DOCK5: variants seen among roughly 807,000 people sequenced by gnomAD.
The protein encoded by DOCK5 is dedicator of cytokinesis protein 5.
A neutral mutation model predicts 251.8 loss-of-function variants in DOCK5; 142 were observed. The observed-to-expected ratio is 0.56, with a 90% CI of 0.49 to 0.65. The LOEUF is 0.65. DOCK5 is among the 30% of genes least tolerant of loss of function. The probability of loss-of-function intolerance (pLI) is 0.00; values close to 1 mark genes in which losing one functional copy is unlikely to be tolerated. For synonymous variants in DOCK5, 842 were observed against 835.5 expected (o/e 1.01, Z -0.13); for missense variants, 2,111 against 2,312.3 (o/e 0.91, Z 1.79).
chr8:25,251,514 T>C (rs1563325033), intron 2 of DOCK5, among the ~76,000 whole-genome samples: 1 of 152,224 alleles, frequency 6.6e-6, no homozygotes, highest in Non-Finnish European at 1.5e-5. Context: ...AAAAATCTAC[T>C]TCCCTCTAAT....
chr8:25,320,290 A>T (rs972911964), intron 15 of DOCK5, among the ~76,000 whole-genome samples: 16 of 152,254 alleles, frequency 1.1e-4, no homozygotes, highest in African/African-American at 2.9e-4. Flanking sequence ...AGAAAAAAAA[A>T]TTTTTTAATT....
chr8:25,398,348 C>A (rs1801381688), intron 45 of DOCK5, among the ~76,000 whole-genome samples: 1 of 152,322 alleles, frequency 6.6e-6, no homozygotes, highest in Admixed American at 6.5e-5. Context: ...ACGATCCTGG[C>A]TAGAATGAGC....
At chr8:25,287,577 A>C (rs1427140971) in intron 5 of DOCK5, among the ~76,000 whole-genome samples, 1 of 152,226 alleles carries the variant, frequency 6.6e-6, no homozygotes, top group Non-Finnish European at 1.5e-5. Flanking sequence ...TTTTGTGGAC[A>C]CATTCTTCAT....
intron 2 of DOCK5, among the ~76,000 whole-genome samples, chr8:25,253,012 C>T (rs919191675): frequency 3.6e-4 from 54 of 152,076 alleles, no homozygotes; most frequent in African/African-American, 1.2e-3. Flanking sequence ...TTAGTAGAGA[C>T]GTGGTTTTGC....
Position 25,366,902 on chromosome 8 carries a change from A to G in DOCK5, c.3156A>G (p.Ala1052=), listed in dbSNP as rs779525715. The G allele has an allele frequency of 8.1e-6, 13 of 1,613,702 alleles. No homozygotes were observed. The African/African-American group carries it at 1.5e-4, about 18-fold the overall frequency. Residue 1052 remains alanine, a synonymous_variant, in exon 31 of 52, where the codon GCA becomes GCG. Coordinates refer to ENST00000276440, the MANE Select transcript of DOCK5 (RefSeq NM_024940.8). ...ACAATTACTTCCATTTGGCAGTTGC[A>G]TTTCTCACCCATGAGTCCCTTCAGC... is the stretch of plus-strand genomic sequence containing the variant. ...LWNNYFHLAV[A]FLTHESLQLE...
chr8:25,190,044 G>A (rs1474607828), intron 1 of DOCK5, among the ~76,000 whole-genome samples: 5 of 152,050 alleles, frequency 3.3e-5, no homozygotes, highest in Admixed American at 2.6e-4. Context: ...ACGCCACCAC[G>A]CCCGGCCAGT....
chr8:25,229,529 A>G (rs1016131829), intron 1 of DOCK5, among the ~76,000 whole-genome samples: 2 of 152,026 alleles, frequency 1.3e-5, no homozygotes, highest in Non-Finnish European at 2.9e-5. Flanking sequence ...ATTTCTTTTA[A>G]AATTAAGTCA....
chr8:25,248,324 C>T (rs1803171034), intron 2 of DOCK5, among the ~76,000 whole-genome samples: 2 of 152,150 alleles, frequency 1.3e-5, no homozygotes, highest in Non-Finnish European at 2.9e-5. Flanking sequence ...ACATGAAACG[C>T]GATGGGAATG....
chr8:25,230,587 A>G (rs779142541), intron 1 of DOCK5, among the ~76,000 whole-genome samples: 2 of 152,194 alleles, frequency 1.3e-5, no homozygotes, highest in Non-Finnish European at 2.9e-5. Flanking sequence ...ATGGTGACTC[A>G]TGCCTGTAAC....
intron 20 of DOCK5, 81 bp downstream of exon 20, chr8:25,332,773 T>TGA (rs1345431284): frequency 4.1e-5 from 42 of 1,014,004 alleles, no homozygotes; most frequent in Non-Finnish European, 6.0e-5. Context: ...AGTGATTGTG[T>TGA]GAATATCTTC....
rs924321586 is a variant in DOCK5 at position 25,235,799 on chromosome 8, CTTTTTTTTT to C, written c.44-7865_44-7857del. ...ATAGAGATTTTTTTCTTTTCTTTTC[CTTTTTTTTT>C]TTTTTTTTTGAAACGGAGTCTCACT... is the stretch of plus-strand genomic sequence containing the variant. On this transcript the variant is annotated intron_variant, in intron 1 of 51. Transcript: ENST00000276440. Among the ~76,000 whole-genome samples the C allele has an allele frequency of 3.3e-4, 43 of 128,598 alleles. 1 individual carries two copies. The South Asian group carries it at 7.9e-3, about 24-fold the overall frequency. 84.4% of individuals were successfully genotyped at this position (128,598 alleles called of 152,430 possible). A position where few individuals can be genotyped will look rare whatever the true frequency, so the allele number is the denominator to read the frequency against.
intron 2 of DOCK5, among the ~76,000 whole-genome samples, chr8:25,259,394 T>G (rs565317075): frequency 5.9e-4 from 90 of 152,212 alleles, no homozygotes; most frequent in African/African-American, 2.2e-3. Context: ...AGTAGCTGGG[T>G]GATATGGGAC....
At chr8:25,369,187 G>A (rs1271080599) in intron 33 of DOCK5, among the ~76,000 whole-genome samples, 1 of 152,164 alleles carries the variant, frequency 6.6e-6, no homozygotes, top group Non-Finnish European at 1.5e-5. Flanking sequence ...AATATTGAAA[G>A]GACGATTTCG....
At chr8:25,367,835 G>A (rs773768789) in intron 31 of DOCK5, among the ~76,000 whole-genome samples, 2 of 152,128 alleles carry the variant, frequency 1.3e-5, no homozygotes, top group African/African-American at 2.4e-5. Flanking sequence ...TCACCTGTTA[G>A]GCATTAGTCA....
At chr8:25,390,387 G>A (rs1444991989) in intron 42 of DOCK5, 100 bp downstream of exon 42, 2 of 1,078,286 alleles carry the variant, frequency 1.9e-6, no homozygotes, top group African/African-American at 3.2e-5. Context: ...GAGGAGTATT[G>A]CTCGAAGCCA....
At chr8:25,289,618 G>A (rs890069382) in intron 5 of DOCK5, among the ~76,000 whole-genome samples, 2 of 151,908 alleles carry the variant, frequency 1.3e-5, no homozygotes, top group Non-Finnish European at 2.9e-5. Context: ...TGAGGCAGGC[G>A]GATCATCTGA....
chr8:25,260,883 A>G (rs1048613423), intron 2 of DOCK5, among the ~76,000 whole-genome samples: 1 of 151,796 alleles, frequency 6.6e-6, no homozygotes, highest in African/African-American at 2.4e-5. Context: ...GCAGCCTCCA[A>G]CTTCTGGGCT....
chr8:25,247,862 A>G (rs1014106378), intron 2 of DOCK5, among the ~76,000 whole-genome samples: 3 of 152,206 alleles, frequency 2.0e-5, no homozygotes, highest in African/African-American at 7.2e-5. Flanking sequence ...TTTGACAGTC[A>G]CACAAAAATG....
chr8:25,332,927 A>G (rs7835242), intron 20 of DOCK5, among the ~76,000 whole-genome samples: 2,630 of 152,250 alleles, frequency 0.017, 87 homozygotes, highest in African/African-American at 0.058. Flanking sequence ...TTCTCATTAG[A>G]GAAGATAAGA....
Sources: allele counts gnomAD v4.1 joint callset (sites outside exome capture counted in the v4.1 genomes callset), GRCh38; gene constraint gnomAD v4.1.1; transcripts MANE v1.5; gene names NCBI Gene and HGNC (gene_info 2026-07-23, HGNC 2026-07-21).